ALDH3A2: variants seen among roughly 807,000 people sequenced by gnomAD.
ALDH3A2 encodes the protein aldehyde dehydrogenase family 3 member A2.
A neutral mutation model predicts 51.3 loss-of-function variants in ALDH3A2; 36 were observed. The ratio of observed to expected loss-of-function variants is 0.70; its 90% CI spans 0.54 to 0.93. ALDH3A2 has a LOEUF of 0.93. Among genes scored for constraint, ALDH3A2 ranks in the 40% least tolerant of loss-of-function variants. The pLI is 0.00. For synonymous variants in ALDH3A2, 199 were observed against 219.8 expected (o/e 0.91, Z 0.84); for missense variants, 552 against 603.1 (o/e 0.92, Z 0.89).
At chr17:19,648,312 A>G (rs2084762204), upstream of ALDH3A2, 1 of 152,790 alleles carries the variant, frequency 6.5e-6, no homozygotes, top group African/African-American at 2.4e-5. Flanking sequence ...GGAGCAGGGG[A>G]CAGGGAAGCG....
chr17:19,651,482 C>G, intron 1 of ALDH3A2, 65 bp from the exon 2 acceptor site: 1 of 1,357,090 alleles, frequency 7.4e-7, no homozygotes, highest in Non-Finnish European at 1.1e-6. Flanking sequence ...TGTGAGTGTT[C>G]TGACATTCAG....
intron 5 of ALDH3A2, among the ~76,000 whole-genome samples, chr17:19,659,998 G>C (rs963887205): frequency 1.1e-4 from 16 of 152,110 alleles, no homozygotes; most frequent in African/African-American, 3.9e-4. Flanking sequence ...AATGGATCCA[G>C]ATGAGCACAT....
At position 19,675,901 on chromosome 17, in the gene ALDH3A2, C is replaced by T. The variant is rs898229829; in HGVS notation, c.*329C>T. 3.7e-5 allele frequency: 14 copies of T among 382,330 alleles called. No individual in the cohort carries two copies. Among genetic ancestry groups the T allele is most frequent in the African/African-American group, 2.9e-4 (14 of 48,230 alleles). 23.7% of individuals were successfully genotyped at this position (382,330 alleles called of 1,614,324 possible). A position where few individuals can be genotyped will look rare whatever the true frequency, so the allele number is the denominator to read the frequency against. ...TCTCAGAACCTCACTGAATCCTTCA[C>T]TCCAGTTAATGGCACTGCTCACTTC... On this transcript the variant is annotated 3_prime_UTR_variant, in exon 10 of 10. Transcript: ENST00000176643.
rs920700981 is a variant in ALDH3A2 at position 19,654,669 on chromosome 17, C to T, written c.472-1697C>T. Among the ~76,000 whole-genome samples the T allele has an allele frequency of 3.9e-5, 6 of 152,038 alleles. No homozygotes were observed. The highest frequency in any genetic ancestry group is 1.2e-4 in the African/African-American group (5 of 41,410). On this transcript the variant is annotated intron_variant, in intron 3 of 9. Coordinates refer to ENST00000176643, the MANE Select transcript of ALDH3A2 (RefSeq NM_000382.3). This position sits in a 1 kb window ranked among gnomAD's most constrained non-coding sequence, Gnocchi z 4.5. ...CTCGCTCTGGCTTGTGAGCGCCACG[C>T]GCAGCCCCGGTTCCTGCCTGCGCCT...
At chr17:19,664,157 G>A (rs1409699071) in intron 7 of ALDH3A2, among the ~76,000 whole-genome samples, 2 of 152,226 alleles carry the variant, frequency 1.3e-5, no homozygotes, top group Non-Finnish European at 2.9e-5. Flanking sequence ...GATACAGATA[G>A]CTACAGGTAT....
intron 5 of ALDH3A2, among the ~76,000 whole-genome samples, chr17:19,658,294 C>T (rs1051208827): frequency 2.0e-5 from 3 of 152,170 alleles, no homozygotes; most frequent in Admixed American, 6.6e-5. Context: ...AATTAAATAA[C>T]TACTTACAGT....
intron 1 of ALDH3A2, 63 bp downstream of exon 1, chr17:19,649,187 C>A: frequency 6.6e-7 from 1 of 1,522,456 alleles, no homozygotes; most frequent in African/African-American, 1.4e-5. Context: ...TGGACTGGAG[C>A]TTCGGCTGGG....
At position 19,656,416 on chromosome 17, in the gene ALDH3A2, G is replaced by A; in HGVS notation, c.522G>A (p.Leu174=). The A allele has an allele frequency of 6.2e-7, 1 of 1,614,170 alleles. No individual in the cohort carries two copies. The highest frequency in any genetic ancestry group is 2.2e-5 in the East Asian group (1 of 44,888). The change falls in exon 4 of 10, where the codon CTG becomes CTA. Residue 174 remains leucine (L), a synonymous_variant. Transcript: ENST00000176643. The part of the protein sequence containing the change: ...NGGVEETTEL[L]KQRFDHIFYT... ...GTGTTGAGGAAACCACGGAGCTCCT[G>A]AAGCAGCGATTTGACCACATTTTCT...
chr17:19,660,747 G>A (rs1427241649), intron 5 of ALDH3A2, among the ~76,000 whole-genome samples: 1 of 152,162 alleles, frequency 6.6e-6, no homozygotes, highest in Non-Finnish European at 1.5e-5. Context: ...CTTACTGTAG[G>A]GGGAAAGCAG....
At chr17:19,653,168 C>T (rs1399344758) in intron 3 of ALDH3A2, among the ~76,000 whole-genome samples, 2 of 151,844 alleles carry the variant, frequency 1.3e-5, no homozygotes, top group Admixed American at 1.3e-4. Context: ...CCTCAGCCTC[C>T]CAAGTAGCTG....
At chr17:19,674,378 G>A (rs1458218731) in intron 9 of ALDH3A2, 3 of 152,188 alleles carry the variant, frequency 2.0e-5, no homozygotes, top group Non-Finnish European at 4.4e-5. Context: ...CCTCCCTCAG[G>A]TGCAGTGCAG....
At chr17:19,648,568 C>A (rs2084765443), upstream of ALDH3A2, 2 of 214,416 alleles carry the variant, frequency 9.3e-6, no homozygotes, top group South Asian at 1.3e-4. Flanking sequence ...TCCCTCCATC[C>A]CTACACCCCG....
intron 8 of ALDH3A2, among the ~76,000 whole-genome samples, chr17:19,669,730 G>A (rs1453611923): frequency 6.6e-6 from 1 of 152,008 alleles, no homozygotes. Context: ...AACCTCTTAG[G>A]CTCAAACAAT....
At chr17:19,674,135 C>A (rs1442986620) in intron 9 of ALDH3A2, 1 of 152,154 alleles carries the variant, frequency 6.6e-6, no homozygotes, top group Non-Finnish European at 1.5e-5. Context: ...GTCGTGAAAT[C>A]AAGGTGTAGT....
At chr17:19,670,500 C>T (rs1301274288) in intron 8 of ALDH3A2, among the ~76,000 whole-genome samples, 2 of 152,070 alleles carry the variant, frequency 1.3e-5, no homozygotes, top group African/African-American at 2.4e-5. Context: ...CTGCATCAGC[C>T]TCCCAAATTT....
intron 5 of ALDH3A2, among the ~76,000 whole-genome samples, chr17:19,660,658 G>A (rs137949304): frequency 1.3e-5 from 2 of 152,210 alleles, no homozygotes; most frequent in South Asian, 4.1e-4. Flanking sequence ...GCAAAGATTG[G>A]CAAATGGTTT....
rs777261766 is a variant in ALDH3A2, at chr17:19,656,484, C to T, written c.590C>T (p.Ala197Val). 1 of 1,614,196 alleles carries T rather than the reference C, an allele frequency of 6.2e-7. No individual in the cohort carries two copies. The highest frequency in any genetic ancestry group is 1.1e-5 in the South Asian group (1 of 91,078). ...GTTGGCAAAATTGTCATGGAAGCTGCTGCCAAGCATCTGACCCCTGTGACT... is the reference window on the plus strand; with the variant it reads ...GTTGGCAAAATTGTCATGGAAGCTGTTGCCAAGCATCTGACCCCTGTGACT... ...TAVGKIVMEAAAKHLTPVTLE... is the reference protein window; with the variant it reads ...TAVGKIVMEAVAKHLTPVTLE... Residue 197 changes from alanine to valine, a missense_variant, in exon 4 of 10, where the codon GCT becomes GTT. Physicochemically the swap from Ala to Val is moderately conservative, Grantham distance 64. Transcript: ENST00000176643.
chr17:19,669,228 G>C (rs569918666), intron 8 of ALDH3A2, among the ~76,000 whole-genome samples: 8 of 151,940 alleles, frequency 5.3e-5, no homozygotes, highest in Non-Finnish European at 1.0e-4. Context: ...GCTTGAACCT[G>C]GGAGGCGGAG....
At chr17:19,664,655 G>GGAGTACAACTCCAGGTTGTGGCT (rs2085010770) in intron 7 of ALDH3A2, among the ~76,000 whole-genome samples, 1 of 152,136 alleles carries the variant, frequency 6.6e-6, no homozygotes, top group South Asian at 2.1e-4. Flanking sequence ...GCTGTGTTGG[G>GGAGTACAACTCCAGGTTGTGGCT]GAGTACAACT....
Sources: allele counts gnomAD v4.1 joint callset (sites outside exome capture counted in the v4.1 genomes callset), GRCh38; gene constraint gnomAD v4.1.1; non-coding constraint Gnocchi (gnomAD v3.1); transcripts MANE v1.5; gene names NCBI Gene and HGNC (gene_info 2026-07-23, HGNC 2026-07-21).